BAZ1A: variants seen among roughly 807,000 people sequenced by gnomAD.
BAZ1A encodes bromodomain adjacent to zinc finger domain 1A.
A neutral mutation model predicts 185.2 loss-of-function variants in BAZ1A; 50 were observed. The ratio of observed to expected loss-of-function variants is 0.27; its 90% CI spans 0.22 to 0.34. The LOEUF (loss-of-function observed/expected upper bound fraction) is 0.34, where lower values mean the gene tolerates loss of function less well. Ranked by LOEUF, BAZ1A falls within the 10% of genes least tolerant of loss-of-function variation. The pLI, the probability that BAZ1A is intolerant of heterozygous loss-of-function variation, is 1.00. For synonymous variants in BAZ1A, 571 were observed against 615.6 expected (o/e 0.93, Z 1.07); for missense variants, 1,356 against 1,839.9 (o/e 0.74, Z 4.81).
chr14:34,834,920 A>G (rs1205865853), intron 3 of BAZ1A, among the ~76,000 whole-genome samples: 1 of 152,230 alleles, frequency 6.6e-6, no homozygotes, highest in African/African-American at 2.4e-5. Context: ...AACACAGTGG[A>G]AGTTAATGAT....
At chr14:34,844,406 T>G (rs1355655780) in intron 3 of BAZ1A, among the ~76,000 whole-genome samples, 1 of 152,068 alleles carries the variant, frequency 6.6e-6, no homozygotes, top group Non-Finnish European at 1.5e-5. Flanking sequence ...TCTGTGTTCA[T>G]GAATTCGAAG....
intron 12 of BAZ1A, among the ~76,000 whole-genome samples, chr14:34,791,284 C>A (rs935014652): frequency 3.9e-5 from 6 of 152,082 alleles, no homozygotes; most frequent in African/African-American, 1.2e-4. Context: ...TCCAAAACTA[C>A]AAAATTCAAA....
intron 7 of BAZ1A, 30 bp downstream of exon 7, chr14:34,802,824 A>C (rs1326983658): frequency 6.3e-7 from 1 of 1,594,158 alleles, no homozygotes; most frequent in Admixed American, 1.7e-5. Context: ...CTAACAGTGA[A>C]AATGTAGTTT....
chr14:34,843,265 T>C (rs960511720), intron 3 of BAZ1A, among the ~76,000 whole-genome samples: 2 of 152,206 alleles, frequency 1.3e-5, no homozygotes, highest in Non-Finnish European at 2.9e-5. Flanking sequence ...CACACCTTTC[T>C]GATCCCTTCC....
chr14:34,765,328 AAT>A (rs1381814790), intron 21 of BAZ1A, 60 bp from the exon 22 acceptor site: 1 of 1,572,864 alleles, frequency 6.4e-7, no homozygotes, highest in Non-Finnish European at 8.6e-7. Context: ...TCTTCCTAGA[AAT>A]AGTTTGTTGG....
At chr14:34,812,751 T>C (rs2041947857) in intron 4 of BAZ1A, among the ~76,000 whole-genome samples, 1 of 152,232 alleles carries the variant, frequency 6.6e-6, no homozygotes, top group Admixed American at 6.5e-5. Context: ...GAATAAGATA[T>C]AAAGTTACAT....
chr14:34,786,074 A>T, intron 13 of BAZ1A, 52 bp downstream of exon 13: 1 of 1,565,704 alleles, frequency 6.4e-7, no homozygotes, highest in Non-Finnish European at 8.6e-7. Flanking sequence ...ATGTGCCTTT[A>T]TAAAATTAAA....
At position 34,753,571 on chromosome 14, in the gene BAZ1A, G is replaced by A. The variant is rs114946696; in HGVS notation, c.4608C>T (p.His1536=). Reference sequence around the variant, plus strand: ...CTTGGTCCACATTACTGGGTGTGACGTGGAGTCCAAGCTTTTGAGCCTGAA... The same window carrying A: ...CTTGGTCCACATTACTGGGTGTGACATGGAGTCCAAGCTTTTGAGCCTGAA... The part of the protein sequence containing the change: ...FHIQAQKLGL[H]VTPSNVDQVS... The change falls in exon 27 of 27, where the codon CAC becomes CAT. Residue 1536 remains histidine, a synonymous_variant. Coordinates refer to ENST00000360310, the MANE Select transcript of BAZ1A (RefSeq NM_013448.3). 46 of 1,614,106 alleles carry A rather than the reference G, an allele frequency of 2.8e-5. No individual in the cohort carries two copies. The African/African-American group carries it at 4.1e-4, about 14-fold the overall frequency.
At chr14:34,820,926 A>G (rs2042080260) in intron 4 of BAZ1A, among the ~76,000 whole-genome samples, 1 of 152,092 alleles carries the variant, frequency 6.6e-6, no homozygotes. Context: ...CGATCTGTCT[A>G]TACTTTCACC....
At chr14:34,776,564 T>C (rs1326939167) in intron 17 of BAZ1A, 49 bp from the exon 18 acceptor site, 1 of 1,468,168 alleles carries the variant, frequency 6.8e-7, no homozygotes, top group East Asian at 2.3e-5. Context: ...CAAGTTTCCA[T>C]TAGAAAAATA....
chr14:34,792,689 GC>G (rs1408941425), intron 12 of BAZ1A, 85 bp downstream of exon 12: 2 of 1,444,856 alleles, frequency 1.4e-6, no homozygotes, highest in African/African-American at 2.9e-5. Flanking sequence ...AAGCATAAAA[GC>G]CAATTTAACT....
chr14:34,830,541 G>A (rs2042226476), intron 3 of BAZ1A, among the ~76,000 whole-genome samples: 1 of 152,036 alleles, frequency 6.6e-6, no homozygotes, highest in East Asian at 1.9e-4. Context: ...CAGTGTAAGG[G>A]GACAGGAGGG....
chr14:34,796,200 A>G (rs890221158), intron 9 of BAZ1A, among the ~76,000 whole-genome samples: 4 of 151,986 alleles, frequency 2.6e-5, no homozygotes, highest in Non-Finnish European at 5.9e-5. Flanking sequence ...ACATATATGC[A>G]TGCTGAGCGT....
chr14:34,767,912 G>T (rs1194106027), intron 21 of BAZ1A, among the ~76,000 whole-genome samples: 3 of 152,120 alleles, frequency 2.0e-5, no homozygotes, highest in African/African-American at 4.8e-5. Context: ...TTTGATTAAT[G>T]GGGTGGTTTA....
chr14:34,804,970 T>C (rs1391125473), intron 6 of BAZ1A, among the ~76,000 whole-genome samples: 1 of 152,170 alleles, frequency 6.6e-6, no homozygotes, highest in African/African-American at 2.4e-5. Context: ...TCATGTGGAA[T>C]TGTACTCCCC....
intron 2 of BAZ1A, among the ~76,000 whole-genome samples, chr14:34,871,261 T>C (rs942792696): frequency 5.3e-5 from 8 of 152,238 alleles, no homozygotes; most frequent in Non-Finnish European, 1.2e-4. Flanking sequence ...TCTTACTATT[T>C]TGACCTGGCT....
In BAZ1A at chr14:34,874,750, G is replaced by C. The variant is rs975855624; in HGVS notation, c.-58-88C>G. ...CGGTCCGCGCGCTGGGAGAAGCTCGGCTGCCTTTTGTGTGACTGACGCGCC... is the reference window on the plus strand; with the variant it reads ...CGGTCCGCGCGCTGGGAGAAGCTCGCCTGCCTTTTGTGTGACTGACGCGCC... On this transcript the variant is annotated intron_variant, in intron 1 of 26. Transcript: ENST00000360310. This position sits in a 1 kb window ranked among gnomAD's most constrained non-coding sequence, Gnocchi z 4.7. The C allele has an allele frequency of 1.7e-6, 1 of 594,994 alleles. No individual in the cohort carries two copies. The highest frequency in any genetic ancestry group is 2.8e-6 in the Non-Finnish European group (1 of 354,004). 36.9% of individuals were successfully genotyped at this position (594,994 alleles called of 1,614,324 possible).
intron 3 of BAZ1A, among the ~76,000 whole-genome samples, chr14:34,852,604 C>CT (rs2042615151): frequency 6.6e-6 from 1 of 151,982 alleles, no homozygotes; most frequent in South Asian, 2.1e-4. Flanking sequence ...GGGTGACAGA[C>CT]TGAGACTCTG....
chr14:34,801,067 GC>G, intron 8 of BAZ1A, 26 bp downstream of exon 8: 1 of 1,482,276 alleles, frequency 6.7e-7, no homozygotes, highest in South Asian at 1.2e-5. Context: ...TTCCTAATTA[GC>G]TTTTGGAAAC....
Sources: gnomAD v4.1 joint callset for allele counts (sites outside exome capture counted in the v4.1 genomes callset) on GRCh38, gnomAD v4.1.1 for gene constraint, Gnocchi (gnomAD v3.1) non-coding constraint, MANE v1.5 for transcripts, NCBI Gene and HGNC (gene_info 2026-07-23, HGNC 2026-07-21) for gene names.